Variants in PDGFRA observed in about 807,000 individuals in gnomAD.
PDGFRA encodes platelet-derived growth factor receptor alpha.
In PDGFRA, 25 loss-of-function variants were observed where a neutral mutation model predicts 121.5. That is an observed-to-expected ratio of 0.21 (90% CI 0.15 to 0.29). The LOEUF (loss-of-function observed/expected upper bound fraction) is 0.29. Among genes scored for constraint, PDGFRA ranks in the 10% least tolerant of loss-of-function variants. The pLI is 1.00. For synonymous variants in PDGFRA, 463 were observed against 494.8 expected (o/e 0.94, Z 0.85); for missense variants, 1,008 against 1,345.1 (o/e 0.75, Z 3.92).
At chr4:54,281,091 A>G (rs1407205042) in intron 16 of PDGFRA, among the ~76,000 whole-genome samples, 1 of 152,234 alleles carries the variant, frequency 6.6e-6, no homozygotes, top group Non-Finnish European at 1.5e-5. Context: ...TTTTTCAAGT[A>G]CATGAATATG....
At chr4:54,258,540 G>C (rs1251295624) in intron 1 of PDGFRA, among the ~76,000 whole-genome samples, 1 of 152,082 alleles carries the variant, frequency 6.6e-6, no homozygotes, top group Non-Finnish European at 1.5e-5. Flanking sequence ...ATCACAGAAG[G>C]TTTTGGCTTC....
intron 1 of PDGFRA, among the ~76,000 whole-genome samples, chr4:54,235,836 C>A (rs75504577): frequency 2.2e-3 from 339 of 152,350 alleles, no homozygotes; most frequent in African/African-American, 7.8e-3. Context: ...TTAGTCCTTA[C>A]AAGAATGCCA....
chr4:54,269,555 C>A (rs1383076559), intron 7 of PDGFRA, among the ~76,000 whole-genome samples: 5 of 151,382 alleles, frequency 3.3e-5, no homozygotes, highest in African/African-American at 1.2e-4. Context: ...CATTTATAAT[C>A]CATGTAAAAT....
intron 8 of PDGFRA, 72 bp from the exon 9 acceptor site, chr4:54,272,320 CAT>C (rs1392395090): frequency 1.0e-4 from 155 of 1,541,728 alleles, no homozygotes; most frequent in Non-Finnish European, 1.3e-4. Flanking sequence ...GTTGTGAACT[CAT>C]ATTCCACTTT....
chr4:54,277,361 G>A (rs2110307931), intron 12 of PDGFRA, 27 bp from the exon 13 acceptor site: 1 of 1,533,544 alleles, frequency 6.5e-7, no homozygotes, highest in Non-Finnish European at 9.0e-7. Context: ...GGAGTTTTTG[G>A]GTGTTAATGA....
At chr4:54,248,669 T>C (rs1451726871) in intron 1 of PDGFRA, among the ~76,000 whole-genome samples, 1 of 152,192 alleles carries the variant, frequency 6.6e-6, no homozygotes, top group Non-Finnish European at 1.5e-5. Context: ...AAGGACTTCA[T>C]GTCTAAAACA....
chr4:54,253,140 A>G (rs1231095744), intron 1 of PDGFRA, among the ~76,000 whole-genome samples: 1 of 152,162 alleles, frequency 6.6e-6, no homozygotes, highest in Non-Finnish European at 1.5e-5. Context: ...TGTCTCCAAG[A>G]GGTAGGAAGT....
chr4:54,272,610 A>G (rs919084090), intron 9 of PDGFRA, 90 bp downstream of exon 9: 16 of 1,451,642 alleles, frequency 1.1e-5, no homozygotes, highest in South Asian at 8.0e-5. Context: ...CTTATTGACT[A>G]TAAGATAGGG....
At chr4:54,285,150 C>T (rs927997881) in intron 16 of PDGFRA, among the ~76,000 whole-genome samples, 3 of 152,094 alleles carry the variant, frequency 2.0e-5, no homozygotes, top group South Asian at 2.1e-4. Flanking sequence ...CCCACCTCGG[C>T]CTCCCAAAGT....
At chr4:54,232,590 TTG>T (rs939358100) in intron 1 of PDGFRA, among the ~76,000 whole-genome samples, 2 of 151,824 alleles carry the variant, frequency 1.3e-5, no homozygotes, top group African/African-American at 4.8e-5. Context: ...GAAGGCACTT[TTG>T]TGTGTGTGTG....
chr4:54,247,597 A>T (rs1318895311), intron 1 of PDGFRA, among the ~76,000 whole-genome samples: 3 of 152,038 alleles, frequency 2.0e-5, no homozygotes, highest in Admixed American at 2.0e-4. Context: ...TATCTATGAC[A>T]AACCCACAGC....
At chr4:54,270,284 T>A (rs1485627210) in intron 7 of PDGFRA, among the ~76,000 whole-genome samples, 1 of 152,176 alleles carries the variant, frequency 6.6e-6, no homozygotes, top group African/African-American at 2.4e-5. Context: ...AAGTATTTTT[T>A]AAAAAAGGTA....
chr4:54,268,109 C>G (rs995266118), intron 7 of PDGFRA, among the ~76,000 whole-genome samples: 7 of 152,148 alleles, frequency 4.6e-5, no homozygotes, highest in African/African-American at 1.7e-4. Context: ...GGTGATTACA[C>G]CCATGAGGCA....
At chr4:54,253,715 T>A (rs1485503403) in intron 1 of PDGFRA, among the ~76,000 whole-genome samples, 1 of 152,162 alleles carries the variant, frequency 6.6e-6, no homozygotes, top group Non-Finnish European at 1.5e-5. Flanking sequence ...GATGGAGCCT[T>A]GCTCTGTTGC....
intron 1 of PDGFRA, among the ~76,000 whole-genome samples, chr4:54,232,093 C>T (rs1238492992): frequency 6.6e-6 from 1 of 152,242 alleles, no homozygotes; most frequent in East Asian, 1.9e-4. Flanking sequence ...CTCCGGGGAG[C>T]TGCGACCAGG....
chr4:54,277,964 C>A lies in PDGFRA; in HGVS notation c.1960C>A (p.His654Asn), dbSNP rs377159519. 1 of 1,613,596 alleles carries A rather than the reference C, an allele frequency of 6.2e-7. No homozygotes were observed. The highest frequency in any genetic ancestry group is 8.5e-7 in the Non-Finnish European group (1 of 1,179,648). The change falls in exon 14 of 23, where the codon CAT (histidine) becomes AAT (asparagine). Residue 654 changes from histidine (H) to asparagine (N), a missense_variant. By Grantham distance (68) the His-to-Asn change is moderately conservative. This residue lies in a region of PDGFRA where 61 missense variants were observed against 125.3 expected (regional missense o/e 0.49). Coordinates refer to ENST00000257290, the MANE Select transcript of PDGFRA (RefSeq NM_006206.6). Reference sequence around the variant, plus strand: ...GAAGATAATGACTCACCTGGGGCCACATTTGAACATTGTAAACTTGCTGGG... The same window carrying A: ...GAAGATAATGACTCACCTGGGGCCAAATTTGAACATTGTAAACTTGCTGGG... ...ELKIMTHLGP[H>N]LNIVNLLGAC...
chr4:54,252,719 T>C lies in PDGFRA; in HGVS notation c.-12-6038T>C, dbSNP rs918279185. ...GGGACTGTGAGAGAGTCTCTTGTGG[T>C]CTTTAATCATGTGAGGGTGGGGTGA... On this transcript the variant is annotated intron_variant, in intron 1 of 22. Coordinates refer to ENST00000257290, the MANE Select transcript of PDGFRA (RefSeq NM_006206.6). Among the ~76,000 whole-genome samples the C allele has an allele frequency of 2.0e-5, 3 of 152,162 alleles. No homozygotes were observed. The East Asian group carries it at 5.8e-4, about 29-fold the overall frequency.
chr4:54,263,649 T>A lies in PDGFRA; in HGVS notation c.368-18T>A. On this transcript the variant is annotated intron_variant, in intron 3 of 22. Coordinates refer to ENST00000257290, the MANE Select transcript of PDGFRA (RefSeq NM_006206.6). ...AAATTAATGTCTAATAGAGTCTTCA[T>A]TCTTTTTTAAACCACAGACCCAGAT... The A allele has an allele frequency of 6.2e-7, 1 of 1,612,450 alleles. No homozygotes were observed. Among genetic ancestry groups the A allele is most frequent in the Non-Finnish European group, 8.5e-7 (1 of 1,178,452 alleles).
chr4:54,262,601 C>T (rs1225704652), intron 3 of PDGFRA, among the ~76,000 whole-genome samples: 2 of 152,052 alleles, frequency 1.3e-5, no homozygotes, highest in African/African-American at 2.4e-5. Context: ...TCTATAACTA[C>T]GAGTGTCCCC....
Sources: allele counts gnomAD v4.1 joint callset (sites outside exome capture counted in the v4.1 genomes callset), GRCh38; gene constraint gnomAD v4.1.1; regional missense constraint gnomAD v4.1.1; transcripts MANE v1.5; gene names NCBI Gene and HGNC (gene_info 2026-07-23, HGNC 2026-07-21).